Variants in HECTD4 observed in about 807,000 individuals in gnomAD.
HECTD4 encodes HECT domain E3 ubiquitin protein ligase 4.
Under a neutral mutation model 471.5 loss-of-function variants are expected in HECTD4, and 114 were observed. The observed-to-expected ratio is 0.24, with a 90% CI of 0.21 to 0.28. HECTD4 has a LOEUF of 0.28. Among genes scored for constraint, HECTD4 ranks in the 10% least tolerant of loss-of-function variants. The pLI is 1.00. For missense variants in HECTD4, 3,866 were observed against 5,651.5 expected (o/e 0.68, Z 10.13); for synonymous variants, 2,012 against 2,256.0 (o/e 0.89, Z 3.07).
At chr12:112,265,421 T>C in intron 15 of HECTD4, 126 bp from the exon 16 acceptor site, 1 of 617,874 alleles carries the variant, frequency 1.6e-6, no homozygotes, top group Non-Finnish European at 2.6e-6. Context: ...CAAATCACCT[T>C]AGTAATAATG....
intron 66 of HECTD4, among the ~76,000 whole-genome samples, chr12:112,174,459 G>C (rs1026456160): frequency 6.7e-6 from 1 of 150,210 alleles, no homozygotes; most frequent in Non-Finnish European, 1.5e-5. Flanking sequence ...TCACCACGTT[G>C]ATCAGGTTGG....
intron 1 of HECTD4, among the ~76,000 whole-genome samples, chr12:112,321,071 T>A (rs2035576440): frequency 6.6e-6 from 1 of 152,112 alleles, no homozygotes; most frequent in Non-Finnish European, 1.5e-5. Flanking sequence ...CTTGAACTCC[T>A]GACCTCAGGT....
chr12:112,249,102 C>G (rs1201738662), intron 25 of HECTD4, among the ~76,000 whole-genome samples: 1 of 152,154 alleles, frequency 6.6e-6, no homozygotes, highest in Non-Finnish European at 1.5e-5. Context: ...AGCCTGTAAT[C>G]CTAGCACTTT....
At chr12:112,209,377 A>C (rs1334674969) in intron 50 of HECTD4, among the ~76,000 whole-genome samples, 1 of 148,466 alleles carries the variant, frequency 6.7e-6, no homozygotes, top group Non-Finnish European at 1.5e-5. Context: ...CCCAGGCTGG[A>C]GTGCAATGGC....
At chr12:112,262,433 T>C (rs1409104287) in intron 17 of HECTD4, among the ~76,000 whole-genome samples, 1 of 141,918 alleles carries the variant, frequency 7.0e-6, no homozygotes, top group African/African-American at 2.7e-5. Context: ...GGAGAATCGT[T>C]TGAACTCAGA....
rs79374938 is a variant in HECTD4 at position 112,287,265 on chromosome 12, T to C, written c.1336-3963A>G. ...GTTCTTATTGTTTGCTTCCGTATTG[T>C]CCCACTTCCCATACTCTAATATAAG... On this transcript the variant is annotated intron_variant, in intron 7 of 75. Coordinates refer to ENST00000682272, the MANE Select transcript of HECTD4 (RefSeq NM_001388303.1). Among the ~76,000 whole-genome samples the C allele has an allele frequency of 5.9e-3, 895 of 152,328 alleles. 11 individuals are homozygous for C. Among genetic ancestry groups the C allele is most frequent in the African/African-American group, 0.02 (843 of 41,558 alleles).
intron 1 of HECTD4, among the ~76,000 whole-genome samples, chr12:112,329,471 G>C (rs907989268): frequency 1.0e-4 from 15 of 150,462 alleles, no homozygotes; most frequent in African/African-American, 3.7e-4. Context: ...GGGTTCAAAT[G>C]ATTCTCGTGC....
intron 72 of HECTD4, among the ~76,000 whole-genome samples, chr12:112,164,732 C>T (rs887302771): frequency 6.6e-6 from 1 of 151,210 alleles, no homozygotes; most frequent in Non-Finnish European, 1.5e-5. Context: ...AGCAATTATC[C>T]TGCCTCAGCC....
intron 11 of HECTD4, 63 bp downstream of exon 11, chr12:112,273,592 C>G (rs1220326354): frequency 4.0e-6 from 6 of 1,490,890 alleles, no homozygotes; most frequent in Non-Finnish European, 4.7e-6. Flanking sequence ...CCTACTAATG[C>G]TGTGGTATTC....
intron 19 of HECTD4, 153 bp from the exon 20 acceptor site, chr12:112,258,749 A>C: frequency 1.6e-6 from 1 of 607,588 alleles, no homozygotes. Flanking sequence ...TAGACCACTT[A>C]ACATTATTTT....
At chr12:112,199,520 C>T (rs2032348974) in intron 55 of HECTD4, among the ~76,000 whole-genome samples, 1 of 152,096 alleles carries the variant, frequency 6.6e-6, no homozygotes, top group South Asian at 2.1e-4. Context: ...AATGGATGAA[C>T]AGCATGAAAA....
At chr12:112,175,683 T>C in intron 66 of HECTD4, 53 bp downstream of exon 66, 3 of 1,583,562 alleles carry the variant, frequency 1.9e-6, no homozygotes, top group Non-Finnish European at 2.6e-6. Context: ...TGCTCTTGGC[T>C]GAAAACAATT....
intron 21 of HECTD4, 124 bp from the exon 22 acceptor site, chr12:112,254,286 T>C: frequency 1.7e-6 from 2 of 1,192,916 alleles, no homozygotes; most frequent in Non-Finnish European, 2.3e-6. Context: ...GTCATTATAG[T>C]ATAACTAATA....
intron 1 of HECTD4, among the ~76,000 whole-genome samples, chr12:112,329,753 TCAA>T (rs2035811112): frequency 6.6e-6 from 1 of 152,192 alleles, no homozygotes; most frequent in Non-Finnish European, 1.5e-5. Context: ...CATTTTTTCA[TCAA>T]CATCAAATCT....
intron 9 of HECTD4, among the ~76,000 whole-genome samples, chr12:112,278,613 C>T (rs2034573666): frequency 6.6e-6 from 1 of 152,214 alleles, no homozygotes; most frequent in South Asian, 2.1e-4. Context: ...ATTCTATTGG[C>T]AGGGCGTGGT....
chr12:112,179,233 G>A lies in HECTD4; in HGVS notation c.11152C>T (p.His3718Tyr). ...INSQTPGNLL[H>Y]LFFTNVRPPK... ...GGCCGGACATTGGTGAAGAAGAGGT[G>A]GAGGAGGTTGCCTGGGGTCTGGGAG... is the stretch of plus-strand genomic sequence containing the variant. Residue 3718 changes from histidine to tyrosine, a missense_variant, in exon 63 of 76, where the codon CAC (histidine) becomes TAC (tyrosine). Physicochemically the swap from His to Tyr is moderately conservative, Grantham distance 83. This residue lies in a region of HECTD4 where 715 missense variants were observed against 1,087.6 expected (regional missense o/e 0.66). Coordinates refer to ENST00000682272, the MANE Select transcript of HECTD4 (RefSeq NM_001388303.1). This position sits in a 1 kb window ranked among gnomAD's most constrained non-coding sequence, Gnocchi z 4.3. 6.2e-7 allele frequency: 1 copy of A among 1,613,872 alleles called. No individual in the cohort carries two copies. Among genetic ancestry groups the A allele is most frequent in the East Asian group, 2.2e-5 (1 of 44,886 alleles).
rs544741644 is a variant in HECTD4 at position 112,220,470 on chromosome 12, T to G, written c.6971-981A>C. On this transcript the variant is annotated intron_variant, in intron 44 of 75. Transcript: ENST00000682272. ...AATGAGCAGTGACTTCATTCGAGCA[T>G]CCAGAAAGGCTTAATGAAAACATCA... Among the ~76,000 whole-genome samples, 4 of 152,040 alleles carry G rather than the reference T, an allele frequency of 2.6e-5. No individual in the cohort carries two copies. The East Asian group carries it at 7.8e-4, about 30-fold the overall frequency.
chr12:112,235,732 G>A lies in HECTD4; in HGVS notation c.5497C>T (p.Leu1833Phe). The A allele has an allele frequency of 6.2e-7, 1 of 1,613,930 alleles. No individual in the cohort carries two copies. Among genetic ancestry groups the A allele is most frequent in the Non-Finnish European group, 8.5e-7 (1 of 1,179,856 alleles). ...LSQPACVSKLLSLLLDQRPSP... is the reference protein window; with the variant it reads ...LSQPACVSKLFSLLLDQRPSP... ...GGGCGTTGGTCAAGCAGCAGGGAGA[G>A]GAGTTTGGACACACAAGCTGGCTGG... is the stretch of plus-strand genomic sequence containing the variant. Residue 1833 changes from leucine (L) to phenylalanine (F), a missense_variant, in exon 36 of 76, where the codon CTC (leucine) becomes TTC (phenylalanine). Physicochemically the swap from Leu to Phe is conservative, Grantham distance 22. Around this residue, in one of 16 missense-constraint regions of HECTD4, gnomAD observed 12 missense variants for 48.0 expected, o/e 0.25. Coordinates refer to ENST00000682272, the MANE Select transcript of HECTD4 (RefSeq NM_001388303.1). This position sits in a 1 kb window ranked among gnomAD's most constrained non-coding sequence, Gnocchi z 5.0.
At chr12:112,209,830 G>A (rs1481158487) in intron 50 of HECTD4, among the ~76,000 whole-genome samples, 185 bp downstream of exon 50, 3 of 152,178 alleles carry the variant, frequency 2.0e-5, no homozygotes, top group Non-Finnish European at 4.4e-5. Context: ...GAACTTTCTG[G>A]TCTGCTGTGC....
Sources: allele counts gnomAD v4.1 joint callset (sites outside exome capture counted in the v4.1 genomes callset), GRCh38; gene constraint gnomAD v4.1.1; regional missense constraint gnomAD v4.1.1; non-coding constraint Gnocchi (gnomAD v3.1); transcripts MANE v1.5; gene names NCBI Gene and HGNC (gene_info 2026-07-23, HGNC 2026-07-21).